GLG1: variants seen among roughly 807,000 people sequenced by gnomAD.
The protein encoded by GLG1 is Golgi apparatus protein 1.
GLG1 carries 38 observed loss-of-function variants against 160.5 expected under a neutral mutation model. The observed-to-expected ratio is 0.24, with a 90% CI of 0.18 to 0.31. The LOEUF (loss-of-function observed/expected upper bound fraction) is 0.31. GLG1 is among the 10% of genes least tolerant of loss of function. The pLI is 1.00. For missense variants in GLG1, 1,373 were observed against 1,505.2 expected (o/e 0.91, Z 1.45); for synonymous variants, 644 against 543.4 (o/e 1.19, Z -2.57).
At chr16:74,469,939 A>G (rs760687782) in intron 16 of GLG1, 46 bp downstream of exon 16, 13 of 1,209,138 alleles carry the variant, frequency 1.1e-5, no homozygotes, top group Non-Finnish European at 1.6e-5. Context: ...TCCGGAGCTA[A>G]GAGGAACTTC....
chr16:74,451,066 A>T lies in GLG1; in HGVS notation c.*2101T>A, dbSNP rs1324714357. ...AACATCCATCCTACCTGCAAACCAC[A>T]CCAGGCACGTCCGTAGGCACCTCCA... On this transcript the variant is annotated 3_prime_UTR_variant, in exon 26 of 26. Transcript: ENST00000422840. 1 of 152,162 alleles carries T rather than the reference A, an allele frequency of 6.6e-6. No individual in the cohort carries two copies. The highest frequency in any genetic ancestry group is 1.5e-5 in the Non-Finnish European group (1 of 68,060). 9.4% of individuals were successfully genotyped at this position (152,162 alleles called of 1,614,324 possible).
chr16:74,460,914 A>G (rs1193593039), intron 22 of GLG1, among the ~76,000 whole-genome samples: 1 of 152,250 alleles, frequency 6.6e-6, no homozygotes, highest in South Asian at 2.1e-4. Flanking sequence ...CAGACTCTCA[A>G]CTTGAAAGTG....
intron 1 of GLG1, among the ~76,000 whole-genome samples, chr16:74,579,143 T>C (rs941011639): frequency 6.6e-6 from 1 of 152,108 alleles, no homozygotes; most frequent in African/African-American, 2.4e-5. Context: ...ATCGCGCCAC[T>C]GCACTCCAGC....
rs1379498093 is a variant in GLG1, at chr16:74,450,802, C to T, written c.*2365G>A. ...GGTGGAGGTTGCAGGGAGCTGAGAT[C>T]GCGCCACTGCACTGCAGCCTGGGCA... On this transcript the variant is annotated 3_prime_UTR_variant, in exon 26 of 26. Coordinates refer to ENST00000422840, the MANE Select transcript of GLG1 (RefSeq NM_001145667.2). The T allele has an allele frequency of 6.6e-6, 1 of 150,794 alleles. No homozygotes were observed. Among genetic ancestry groups the T allele is most frequent in the Non-Finnish European group, 1.5e-5 (1 of 67,864 alleles). 9.3% of individuals were successfully genotyped at this position (150,794 alleles called of 1,614,324 possible). A position where few individuals can be genotyped will look rare whatever the true frequency, so the allele number is the denominator to read the frequency against.
intron 1 of GLG1, among the ~76,000 whole-genome samples, chr16:74,543,248 G>T (rs908139519): frequency 2.0e-5 from 3 of 152,238 alleles, no homozygotes; most frequent in African/African-American, 7.2e-5. Flanking sequence ...AATTCTGAAA[G>T]ATGCGTAGCT....
chr16:74,576,730 C>A (rs1349772588), intron 1 of GLG1, among the ~76,000 whole-genome samples: 1 of 151,898 alleles, frequency 6.6e-6, no homozygotes, highest in Admixed American at 6.6e-5. Flanking sequence ...TTTTAAGGTA[C>A]AAAAATTGCT....
chr16:74,465,663 G>A lies in GLG1; in HGVS notation c.2667+13C>T, dbSNP rs201750384. On this transcript the variant is annotated intron_variant, in intron 19 of 25. Coordinates refer to ENST00000422840, the MANE Select transcript of GLG1 (RefSeq NM_001145667.2). ...TGTTCATCCGTGCTCGGCCTTTGGT[G>A]TCGGCTTCTCACCTTTATCATCTGC... 62 of 1,612,078 alleles carry A rather than the reference G, an allele frequency of 3.8e-5. No individual in the cohort carries two copies. The Middle Eastern group carries it at 1.3e-3, about 35-fold the overall frequency.
intron 19 of GLG1, 65 bp from the exon 20 acceptor site, chr16:74,463,544 C>CTT: frequency 1.6e-4 from 210 of 1,351,354 alleles, no homozygotes; most frequent in Non-Finnish European, 1.7e-4. Context: ...TCTGCGACCA[C>CTT]TTTTTTTTTT....
At chr16:74,524,029 A>T (rs943837525) in intron 2 of GLG1, among the ~76,000 whole-genome samples, 1 of 152,130 alleles carries the variant, frequency 6.6e-6, no homozygotes, top group Non-Finnish European at 1.5e-5. Flanking sequence ...CCTGGCCAAC[A>T]TGGTAAAACC....
chr16:74,582,456 A>T (rs1280302200), intron 1 of GLG1, among the ~76,000 whole-genome samples: 1 of 152,110 alleles, frequency 6.6e-6, no homozygotes, highest in African/African-American at 2.4e-5. Context: ...ATCCTGAAAG[A>T]TCTTTGTTAA....
chr16:74,532,953 T>A (rs576898252), intron 1 of GLG1, among the ~76,000 whole-genome samples: 39 of 152,106 alleles, frequency 2.6e-4, no homozygotes, highest in Non-Finnish European at 4.4e-4. Flanking sequence ...AAAAGTTTTT[T>A]AAAAAAAACA....
intron 9 of GLG1, 133 bp from the exon 10 acceptor site, chr16:74,483,257 A>G (rs2303281): frequency 0.7 from 430,116 of 612,502 alleles, 152,148 homozygotes; most frequent in East Asian, 0.81. Context: ...TTTTCTAAGA[A>G]TCACTCAAAT....
At chr16:74,500,627 A>AG (rs1597273989) in intron 4 of GLG1, among the ~76,000 whole-genome samples, 3 of 152,204 alleles carry the variant, frequency 2.0e-5, no homozygotes, top group Non-Finnish European at 4.4e-5. Flanking sequence ...AAGGAATATT[A>AG]GAATTACTCA....
In GLG1 at chr16:74,606,780, C is replaced by T. The variant is rs1482742285; in HGVS notation, c.315G>A (p.Gly105=). ...GGPPARRGGA[G]AGGGWKLAEE... ...CCGCCAGCTTCCAGCCCCCACCAGC[C>T]CCCGCTCCTCCCCGCCGGGCCGGAG... The change falls in exon 1 of 26, where the codon GGG becomes GGA. Residue 105 remains glycine, a synonymous_variant. Transcript: ENST00000422840. 2 of 1,605,618 alleles carry T rather than the reference C, an allele frequency of 1.2e-6. No homozygotes were observed. The highest frequency in any genetic ancestry group is 1.1e-5 in the South Asian group (1 of 90,500).
intron 1 of GLG1, among the ~76,000 whole-genome samples, chr16:74,605,820 C>A (rs1958552708): frequency 6.6e-6 from 1 of 152,086 alleles, no homozygotes; most frequent in Non-Finnish European, 1.5e-5. Flanking sequence ...TATACCTACA[C>A]CTCTGGAAAA....
Position 74,503,628 on chromosome 16 carries a change from A to C in GLG1, c.677T>G (p.Ile226Ser). 6.2e-7 allele frequency: 1 copy of C among 1,613,338 alleles called. No individual in the cohort carries two copies. The highest frequency in any genetic ancestry group is 8.5e-7 in the Non-Finnish European group (1 of 1,179,268). Reference protein sequence around the residue: ...CHQYITKMTAIIFSDYRLICG... With the variant: ...CHQYITKMTASIFSDYRLICG... ...GATTAAACGGTAATCACTAAAAATG[A>C]TGGCCGTCATCTTGGTAATGTACTG... is the stretch of plus-strand genomic sequence containing the variant. Residue 226 changes from isoleucine to serine, a missense_variant, in exon 4 of 26, where the codon ATC becomes AGC. Ile to Ser is a moderately radical substitution (Grantham distance 142). Around this residue, in one of 4 missense-constraint regions of GLG1, gnomAD observed 174 missense variants for 229.9 expected, o/e 0.76. Transcript: ENST00000422840.
intron 14 of GLG1, 41 bp from the exon 15 acceptor site, chr16:74,471,327 T>G (rs762247956): frequency 1.8e-6 from 2 of 1,110,128 alleles, no homozygotes; most frequent in Non-Finnish European, 2.8e-6. Context: ...TTGGTAACAA[T>G]TAATGAACAA....
At chr16:74,549,126 C>G (rs1414882821) in intron 1 of GLG1, among the ~76,000 whole-genome samples, 1 of 152,188 alleles carries the variant, frequency 6.6e-6, no homozygotes, top group Non-Finnish European at 1.5e-5. Flanking sequence ...CTTGATGGAT[C>G]AGGCAATAAC....
chr16:74,536,817 G>C (rs2017699960), intron 1 of GLG1, among the ~76,000 whole-genome samples: 1 of 152,134 alleles, frequency 6.6e-6, no homozygotes. Flanking sequence ...CCAAGATAGA[G>C]GAAAAAAACT....
Sources: allele counts gnomAD v4.1 joint callset (sites outside exome capture counted in the v4.1 genomes callset), GRCh38; gene constraint gnomAD v4.1.1; regional missense constraint gnomAD v4.1.1; transcripts MANE v1.5; gene names NCBI Gene and HGNC (gene_info 2026-07-23, HGNC 2026-07-21).